Variants in NMNAT2 observed in about 807,000 individuals in gnomAD.
The protein encoded by NMNAT2 is nicotinamide/nicotinic acid mononucleotide adenylyltransferase 2.
NMNAT2 carries 11 observed loss-of-function variants against 41.6 expected under a neutral mutation model. The ratio of observed to expected loss-of-function variants is 0.26; its 90% confidence interval spans 0.17 to 0.44. The LOEUF is 0.44. NMNAT2 is among the 20% of genes least tolerant of loss of function. The probability of loss-of-function intolerance (pLI) is 1.00; values close to 1 mark genes in which losing one functional copy is unlikely to be tolerated. For synonymous variants in NMNAT2, 148 were observed against 151.2 expected (o/e 0.98, Z 0.16); for missense variants, 288 against 407.7 (o/e 0.71, Z 2.53).
In NMNAT2 at chr1:183,249,510, A is replaced by C. The variant is rs200092424; in HGVS notation, c.*3131T>G. The C allele has an allele frequency of 6.6e-6, 1 of 152,206 alleles. No homozygotes were observed. Among genetic ancestry groups the C allele is most frequent in the Non-Finnish European group, 1.5e-5 (1 of 68,108 alleles). The allele number at this position is 152,206 out of a possible 1,614,324, so 9.4% of individuals were successfully genotyped here. A position where few individuals can be genotyped will look rare whatever the true frequency, so the allele number is the denominator to read the frequency against. Reference sequence around the variant, plus strand: ...CTTGGATTGGGCTTTGCAGGAAGGAACAGGACCCCAGAGACAAAGTCGGGG... The same window carrying C: ...CTTGGATTGGGCTTTGCAGGAAGGACCAGGACCCCAGAGACAAAGTCGGGG... On this transcript the variant is annotated 3_prime_UTR_variant, in exon 11 of 11. Coordinates refer to ENST00000287713, the MANE Select transcript of NMNAT2 (RefSeq NM_015039.4).
chr1:183,398,513 G>A lies in NMNAT2; in HGVS notation c.85+19670C>T, dbSNP rs570253105. 1.2e-4 allele frequency among the ~76,000 whole-genome samples: 19 copies of A among 152,214 alleles called. 1 individual carries two copies. The South Asian group carries it at 3.9e-3, about 32-fold the overall frequency. On this transcript the variant is annotated intron_variant, in intron 1 of 10. Transcript: ENST00000287713. ...ATTAGACAGATCAACGAGACAGGAA[G>A]TTCACAAGAATATCCAGGAATTGAA...
intron 1 of NMNAT2, among the ~76,000 whole-genome samples, chr1:183,402,521 C>G (rs1648838828): frequency 6.6e-6 from 1 of 152,208 alleles, no homozygotes; most frequent in Non-Finnish European, 1.5e-5. Context: ...ATCTGTGCTT[C>G]CCAGGTGGTT....
chr1:183,410,515 A>C (rs1476255415), intron 1 of NMNAT2, among the ~76,000 whole-genome samples: 1 of 151,898 alleles, frequency 6.6e-6, no homozygotes, highest in Non-Finnish European at 1.5e-5. Context: ...TCTGCCATGT[A>C]CTCCTTTGCC....
chr1:183,253,163 T>C (rs928512007), intron 10 of NMNAT2, among the ~76,000 whole-genome samples: 3 of 150,954 alleles, frequency 2.0e-5, no homozygotes, highest in Non-Finnish European at 4.4e-5. Context: ...ATTTAAGTCA[T>C]ACAATCTGAT....
At chr1:183,372,256 T>G (rs1663564482) in intron 1 of NMNAT2, among the ~76,000 whole-genome samples, 1 of 151,938 alleles carries the variant, frequency 6.6e-6, no homozygotes, top group Non-Finnish European at 1.5e-5. Context: ...TGAAAAAAAT[T>G]AGAAGCAGAG....
chr1:183,303,880 G>A (rs1464234743), intron 1 of NMNAT2, among the ~76,000 whole-genome samples: 1 of 152,198 alleles, frequency 6.6e-6, no homozygotes, highest in African/African-American at 2.4e-5. Flanking sequence ...GGCTAGTTAT[G>A]GATTTCCTCT....
chr1:183,254,241 G>A (rs1442233831), intron 10 of NMNAT2, among the ~76,000 whole-genome samples: 7 of 152,074 alleles, frequency 4.6e-5, no homozygotes, highest in African/African-American at 1.7e-4. Context: ...CACCCTCATC[G>A]ACATTTGTTA....
At chr1:183,312,333 C>CA (rs1484198911) in intron 1 of NMNAT2, among the ~76,000 whole-genome samples, 1 of 150,392 alleles carries the variant, frequency 6.6e-6, no homozygotes, top group Non-Finnish European at 1.5e-5. Context: ...TGGGCTCAAG[C>CA]AATCCTCCTG....
At chr1:183,304,309 A>C (rs1216353794) in intron 1 of NMNAT2, among the ~76,000 whole-genome samples, 1 of 152,186 alleles carries the variant, frequency 6.6e-6, no homozygotes, top group Non-Finnish European at 1.5e-5. Flanking sequence ...TAAGTAGAAG[A>C]AGGTAAGGCT....
rs1660653237 is a variant in NMNAT2 at position 183,261,376 on chromosome 1, G to T, written c.652-73C>A. 2.4e-6 allele frequency: 3 copies of T among 1,228,788 alleles called. No homozygotes were observed. In the Admixed American group the frequency reaches 6.3e-5, roughly 26 times the overall value. The allele number at this position is 1,228,788 out of a possible 1,614,324, so 76.1% of individuals were successfully genotyped here. On this transcript the variant is annotated intron_variant, in intron 8 of 10. Transcript: ENST00000287713. ...TCCTACCAAGCAACTACTTAGCATG[G>T]CAGAATCCGCTTCCATTCTTCCACA... is the stretch of plus-strand genomic sequence containing the variant.
Position 183,398,344 on chromosome 1 carries a change from T to G in NMNAT2, c.85+19839A>C, listed in dbSNP as rs1216964901. ...AGTACATAATGGTAAAGGGATCAAT[T>G]CAACAAGAAAAGCTAACTATCCTAA... On this transcript the variant is annotated intron_variant, in intron 1 of 10. Transcript: ENST00000287713. Among the ~76,000 whole-genome samples, 4 of 152,124 alleles carry G rather than the reference T, an allele frequency of 2.6e-5. No individual in the cohort carries two copies. In the East Asian group the frequency reaches 7.7e-4, roughly 29 times the overall value.
chr1:183,252,826 AC>A, intron 10 of NMNAT2, 83 bp from the exon 11 acceptor site: 1 of 981,082 alleles, frequency 1.0e-6, no homozygotes, highest in Middle Eastern at 2.8e-4. Flanking sequence ...TCTCCCCAGC[AC>A]CCCATTTGTA....
intron 1 of NMNAT2, chr1:183,304,889 C>T: frequency 2.0e-6 from 3 of 1,481,556 alleles, no homozygotes; most frequent in South Asian, 1.3e-5. Context: ...TTTGTCCTTA[C>T]AGCCAGGAAA....
chr1:183,389,871 AAGGGAGGG>A (rs879319861), intron 1 of NMNAT2, among the ~76,000 whole-genome samples: 8 of 47,284 alleles, frequency 1.7e-4, no homozygotes, highest in Non-Finnish European at 3.0e-4. Flanking sequence ...AGAAAGAAAG[AAGGGAGGG>A]AGGGAGGGAG....
intron 1 of NMNAT2, among the ~76,000 whole-genome samples, chr1:183,402,397 T>A (rs1648836550): frequency 2.0e-5 from 3 of 152,204 alleles, no homozygotes; most frequent in Non-Finnish European, 2.9e-5. Flanking sequence ...GTTGTAACTA[T>A]GCATTAAGAC....
chr1:183,356,992 C>T lies in NMNAT2; in HGVS notation c.85+61191G>A, dbSNP rs184059322. 4.0e-4 allele frequency among the ~76,000 whole-genome samples: 61 copies of T among 152,206 alleles called. 2 individuals carry two copies. In the East Asian group the frequency reaches 0.011, roughly 27 times the overall value. ...GTTTGGTCTGGCTCTGTGCCAGATG[C>T]TTTGTGTATATTATCCATCTGCTAC... is the stretch of plus-strand genomic sequence containing the variant. On this transcript the variant is annotated intron_variant, in intron 1 of 10. Coordinates refer to ENST00000287713, the MANE Select transcript of NMNAT2 (RefSeq NM_015039.4).
In NMNAT2 at chr1:183,352,133, G is replaced by A. The variant is rs78236923; in HGVS notation, c.86-58340C>T. 1.1e-3 allele frequency among the ~76,000 whole-genome samples: 168 copies of A among 152,286 alleles called. 2 individuals are homozygous for A. In the East Asian group the frequency reaches 0.026, roughly 24 times the overall value. ...AAAAAAGTGTCCGTTGTTGGGCAGG[G>A]AGAGCTCATCAGGGGTTTCTCTTCA... On this transcript the variant is annotated intron_variant, in intron 1 of 10. Coordinates refer to ENST00000287713, the MANE Select transcript of NMNAT2 (RefSeq NM_015039.4).
chr1:183,322,167 C>T (rs1161318906), intron 1 of NMNAT2, among the ~76,000 whole-genome samples: 1 of 152,144 alleles, frequency 6.6e-6, no homozygotes, highest in Non-Finnish European at 1.5e-5. Flanking sequence ...TCACATTAAA[C>T]ACCGAATTCC....
At chr1:183,270,264 C>T (rs1389668246) in intron 8 of NMNAT2, among the ~76,000 whole-genome samples, 1 of 152,100 alleles carries the variant, frequency 6.6e-6, no homozygotes, top group Non-Finnish European at 1.5e-5. Context: ...ACCATAGCTA[C>T]TTGGGAGGCT....
Sources: gnomAD v4.1 joint callset for allele counts (sites outside exome capture counted in the v4.1 genomes callset) on GRCh38, gnomAD v4.1.1 for gene constraint, MANE v1.5 for transcripts, NCBI Gene and HGNC (gene_info 2026-07-23, HGNC 2026-07-21) for gene names.